EPHB1: variants seen among roughly 807,000 people sequenced by gnomAD.
EPHB1 encodes the protein ephrin type-B receptor 1.
In EPHB1, 30 loss-of-function variants were observed where a neutral mutation model predicts 94.4. The observed-to-expected ratio is 0.32, with a 90% CI of 0.24 to 0.43. The LOEUF (loss-of-function observed/expected upper bound fraction) is 0.43, where lower values mean the gene tolerates loss of function less well. Among genes scored for constraint, EPHB1 ranks in the 20% least tolerant of loss-of-function variants. The probability of loss-of-function intolerance (pLI) is 1.00; values close to 1 mark genes in which losing one functional copy is unlikely to be tolerated. For synonymous variants in EPHB1, 522 were observed against 489.1 expected (o/e 1.07, Z -0.89); for missense variants, 1,055 against 1,308.3 (o/e 0.81, Z 2.99).
At chr3:135,257,192 C>T (rs949705317) in intron 15 of EPHB1, among the ~76,000 whole-genome samples, 554 of 152,036 alleles carry the variant, frequency 3.6e-3, no homozygotes, top group African/African-American at 0.012. Flanking sequence ...GTAATTTGAT[C>T]GTCTGAAGCC....
intron 12 of EPHB1, among the ~76,000 whole-genome samples, chr3:135,204,994 A>G (rs1381666174): frequency 7.5e-6 from 1 of 133,174 alleles, no homozygotes; most frequent in Non-Finnish European, 1.5e-5. Flanking sequence ...TATCTCCATG[A>G]GTTCAATTGT....
chr3:135,253,899 T>G (rs1251562180), intron 15 of EPHB1, among the ~76,000 whole-genome samples: 2 of 151,620 alleles, frequency 1.3e-5, no homozygotes, highest in Non-Finnish European at 2.9e-5. Flanking sequence ...TGAGCAGTGG[T>G]GTGTAGTTCT....
intron 4 of EPHB1, among the ~76,000 whole-genome samples, chr3:135,111,140 A>G (rs1266529571): frequency 6.6e-6 from 1 of 152,324 alleles, no homozygotes; most frequent in African/African-American, 2.4e-5. Context: ...GGTCTTGGGC[A>G]CAGGATCTGC....
At chr3:135,003,312 T>C (rs1337044281) in intron 3 of EPHB1, among the ~76,000 whole-genome samples, 1 of 152,120 alleles carries the variant, frequency 6.6e-6, no homozygotes, top group Non-Finnish European at 1.5e-5. Context: ...GATTGCACTG[T>C]GGTCTGAGAG....
At chr3:135,149,773 G>A (rs1482520542) in intron 5 of EPHB1, among the ~76,000 whole-genome samples, 1 of 152,084 alleles carries the variant, frequency 6.6e-6, no homozygotes, top group Non-Finnish European at 1.5e-5. Flanking sequence ...TCTTCCACAG[G>A]GCCTGTAACC....
At chr3:135,233,893 A>G (rs570395434) in intron 12 of EPHB1, among the ~76,000 whole-genome samples, 1 of 152,292 alleles carries the variant, frequency 6.6e-6, no homozygotes, top group Non-Finnish European at 1.5e-5. Flanking sequence ...CCTTTTGGCC[A>G]TAGCTGGAGC....
chr3:135,238,077 T>A (rs1192011679), intron 12 of EPHB1, among the ~76,000 whole-genome samples: 1 of 152,250 alleles, frequency 6.6e-6, no homozygotes, highest in African/African-American at 2.4e-5. Context: ...TTGATATTGA[T>A]ATTGATTATA....
chr3:134,854,740 C>T lies in EPHB1; in HGVS notation c.58+59051C>T, dbSNP rs553770935. ...TTGAGCTCCAAATGCATGGCTTGGC[C>T]ATAGAAATTCAGTTGTTTTAGCCTC... On this transcript the variant is annotated intron_variant, in intron 1 of 15. Coordinates refer to ENST00000398015, the MANE Select transcript of EPHB1 (RefSeq NM_004441.5). 4.6e-5 allele frequency among the ~76,000 whole-genome samples: 7 copies of T among 152,264 alleles called. No homozygotes were observed. The East Asian group carries it at 1.2e-3, about 25-fold the overall frequency.
At chr3:135,123,749 A>G (rs1303848503) in intron 4 of EPHB1, among the ~76,000 whole-genome samples, 1 of 148,210 alleles carries the variant, frequency 6.7e-6, no homozygotes, top group Non-Finnish European at 1.5e-5. Flanking sequence ...AAATAGTGAC[A>G]TAGTATCTGT....
At position 134,972,839 on chromosome 3, in the gene EPHB1, C is replaced by A. The variant is rs967260809; in HGVS notation, c.805+20787C>A. On this transcript the variant is annotated intron_variant, in intron 3 of 15. Transcript: ENST00000398015. The stretch of plus-strand genomic sequence containing the variant: ...TATTTCACTCAGTGTGAATTTGAGG[C>A]CTTTCTTGAATGGGAGCAGGCCAAA... 2.6e-5 allele frequency among the ~76,000 whole-genome samples: 4 copies of A among 152,160 alleles called. No individual in the cohort carries two copies. The South Asian group carries it at 8.3e-4, about 32-fold the overall frequency.
intron 3 of EPHB1, among the ~76,000 whole-genome samples, chr3:135,096,633 G>C (rs1452856978): frequency 6.6e-6 from 1 of 152,216 alleles, no homozygotes; most frequent in Admixed American, 6.5e-5. Flanking sequence ...AGAAGATCCA[G>C]GGTCTGGTGA....
chr3:134,833,776 G>A (rs1279929793), intron 1 of EPHB1, among the ~76,000 whole-genome samples: 2 of 152,172 alleles, frequency 1.3e-5, no homozygotes, highest in Non-Finnish European at 2.9e-5. Flanking sequence ...GGGCGTGCCT[G>A]GCAAGTAACC....
chr3:134,850,278 C>T (rs1327738135), intron 1 of EPHB1, among the ~76,000 whole-genome samples: 1 of 152,202 alleles, frequency 6.6e-6, no homozygotes, highest in Admixed American at 6.5e-5. Context: ...AAGCTCCTTC[C>T]CCACCAGTTA....
intron 1 of EPHB1, among the ~76,000 whole-genome samples, chr3:134,893,941 A>T (rs1009772957): frequency 6.6e-6 from 1 of 152,236 alleles, no homozygotes; most frequent in African/African-American, 2.4e-5. Flanking sequence ...AAATGAAGGC[A>T]GGAATGAATG....
chr3:135,151,538 T>C (rs1263058262), intron 5 of EPHB1, among the ~76,000 whole-genome samples: 1 of 152,170 alleles, frequency 6.6e-6, no homozygotes, highest in African/African-American at 2.4e-5. Flanking sequence ...ACACAGCTTA[T>C]GATTCATTTA....
chr3:135,020,362 C>T (rs1213533227), intron 3 of EPHB1, among the ~76,000 whole-genome samples: 2 of 152,154 alleles, frequency 1.3e-5, no homozygotes, highest in Non-Finnish European at 2.9e-5. Context: ...TCGCCACAAT[C>T]AATTTTAGAA....
chr3:135,053,419 A>G (rs894501196), intron 3 of EPHB1, among the ~76,000 whole-genome samples: 2 of 152,178 alleles, frequency 1.3e-5, no homozygotes, highest in Non-Finnish European at 2.9e-5. Context: ...TGGAAACTTT[A>G]TGAGACCTTT....
chr3:135,148,141 A>T (rs1327184452), intron 5 of EPHB1, among the ~76,000 whole-genome samples: 1 of 152,258 alleles, frequency 6.6e-6, no homozygotes, highest in Non-Finnish European at 1.5e-5. Flanking sequence ...ATTGTAATGT[A>T]TTAAAACTTA....
chr3:135,190,978 ACACCTGTGGTCC>A (rs1942441137), intron 10 of EPHB1, among the ~76,000 whole-genome samples: 1 of 152,114 alleles, frequency 6.6e-6, no homozygotes, highest in African/African-American at 2.4e-5. Context: ...GCAGTGGTGC[ACACCTGTGGTCC>A]CATCTACTCA....
Sources: gnomAD v4.1 joint callset for allele counts (sites outside exome capture counted in the v4.1 genomes callset) on GRCh38, gnomAD v4.1.1 for gene constraint, MANE v1.5 for transcripts, NCBI Gene and HGNC (gene_info 2026-07-23, HGNC 2026-07-21) for gene names.